The following MBNL2 variants were observed in gnomAD, a reference collection of about 807,000 sequenced individuals.
The protein encoded by MBNL2 is muscleblind-like protein 2.
MBNL2 carries 17 observed loss-of-function variants against 41.9 expected under a neutral mutation model. The ratio of observed to expected loss-of-function variants is 0.41; its 90% CI spans 0.28 to 0.61. MBNL2 has a LOEUF of 0.61. Ranked by LOEUF, MBNL2 falls within the 20% of genes least tolerant of loss-of-function variation. The pLI is 0.35. For synonymous variants in MBNL2, 195 were observed against 182.9 expected (o/e 1.07, Z -0.53); for missense variants, 336 against 505.6 (o/e 0.66, Z 3.22).
intron 5 of MBNL2, among the ~76,000 whole-genome samples, chr13:97,353,828 G>A (rs951851846): frequency 3.3e-5 from 5 of 152,104 alleles, no homozygotes; most frequent in African/African-American, 9.7e-5. Flanking sequence ...ACAAGCTGCC[G>A]TCAGCTAGAT....
At chr13:97,389,846 A>C (rs1008202568) in intron 8 of MBNL2, among the ~76,000 whole-genome samples, 2 of 152,178 alleles carry the variant, frequency 1.3e-5, no homozygotes, top group African/African-American at 4.8e-5. Flanking sequence ...TTATTTGGAA[A>C]ACTTACAGAT....
intron 7 of MBNL2, among the ~76,000 whole-genome samples, chr13:97,358,585 GACAC>G (rs767427545): frequency 5.9e-5 from 9 of 151,994 alleles, no homozygotes; most frequent in Non-Finnish European, 1.0e-4. Context: ...TCTAACCACA[GACAC>G]ACACACGCAC....
the MBNL2 span, among the ~76,000 whole-genome samples, chr13:97,161,340 A>G: frequency 6.6e-6 from 1 of 152,062 alleles, no homozygotes; most frequent in Non-Finnish European, 1.5e-5. Flanking sequence ...CATCATCTCA[A>G]ATTTTTTTGC....
chr13:97,202,687 A>G, the MBNL2 span, among the ~76,000 whole-genome samples: 2 of 152,218 alleles, frequency 1.3e-5, no homozygotes, highest in African/African-American at 2.4e-5. Context: ...AATGCTCACT[A>G]AAGTTTTCAA....
intron 1 of MBNL2, among the ~76,000 whole-genome samples, chr13:97,273,971 G>A (rs1458010887): frequency 5.3e-5 from 8 of 152,070 alleles, no homozygotes; most frequent in Non-Finnish European, 8.8e-5. Context: ...TGAGGCAGGA[G>A]AATCACTTGA....
chr13:97,232,818 T>C (rs545070647), intron 1 of MBNL2, among the ~76,000 whole-genome samples: 1 of 150,784 alleles, frequency 6.6e-6, no homozygotes, highest in Non-Finnish European at 1.5e-5. Context: ...TTTGCTGTGA[T>C]TATTTGTCGG....
the MBNL2 span, among the ~76,000 whole-genome samples, chr13:97,142,033 G>C: frequency 8.8e-3 from 1,342 of 151,828 alleles, 16 homozygotes; most frequent in African/African-American, 0.015. Flanking sequence ...AGGTTAATTT[G>C]CAAAACAAAA....
chr13:97,247,233 G>A (rs2045650039), intron 1 of MBNL2, among the ~76,000 whole-genome samples: 1 of 152,152 alleles, frequency 6.6e-6, no homozygotes, highest in African/African-American at 2.4e-5. Flanking sequence ...TTACAAAGTT[G>A]ATTGATTAAA....
At chr13:97,150,025 A>C in the MBNL2 span, among the ~76,000 whole-genome samples, 2 of 152,230 alleles carry the variant, frequency 1.3e-5, no homozygotes, top group Admixed American at 6.5e-5. Context: ...CTGGCACTGC[A>C]TGGCTGCCTG....
At chr13:97,291,495 G>A (rs2055965398) in intron 2 of MBNL2, among the ~76,000 whole-genome samples, 1 of 151,972 alleles carries the variant, frequency 6.6e-6, no homozygotes, top group Non-Finnish European at 1.5e-5. Flanking sequence ...CCCACCTCAG[G>A]TAGAATTATT....
the MBNL2 span, among the ~76,000 whole-genome samples, chr13:97,180,386 A>G: frequency 2.6e-5 from 4 of 152,188 alleles, no homozygotes; most frequent in Admixed American, 1.3e-4. Context: ...TCTGGAAAAC[A>G]TTGAATAGAA....
chr13:97,194,188 T>TA, the MBNL2 span, among the ~76,000 whole-genome samples: 1 of 152,234 alleles, frequency 6.6e-6, no homozygotes, highest in Non-Finnish European at 1.5e-5. Context: ...AAATTGTACT[T>TA]ACTTTACTCA....
chr13:97,242,585 C>G (rs1346013662), intron 1 of MBNL2, among the ~76,000 whole-genome samples: 2 of 152,076 alleles, frequency 1.3e-5, no homozygotes, highest in African/African-American at 2.4e-5. Context: ...TGTCCTCGGC[C>G]CCATGTGGAA....
the MBNL2 span, among the ~76,000 whole-genome samples, chr13:97,156,745 A>T: frequency 6.6e-6 from 1 of 151,452 alleles, no homozygotes; most frequent in Middle Eastern, 3.4e-3. Context: ...GTTCTGTTCC[A>T]TTGATCTATA....
the MBNL2 span, among the ~76,000 whole-genome samples, chr13:97,195,889 T>C: frequency 6.6e-6 from 1 of 152,176 alleles, no homozygotes; most frequent in Non-Finnish European, 1.5e-5. Context: ...TGTTGCTGTA[T>C]ACATGTACTA....
At chr13:97,333,114 C>A (rs529137086) in intron 2 of MBNL2, among the ~76,000 whole-genome samples, 4 of 152,146 alleles carry the variant, frequency 2.6e-5, no homozygotes, top group Non-Finnish European at 4.4e-5. Context: ...TCCCCAGATC[C>A]CCCAAGCTTG....
intron 2 of MBNL2, among the ~76,000 whole-genome samples, chr13:97,311,086 A>G (rs1455253384): frequency 6.6e-6 from 1 of 152,218 alleles, no homozygotes; most frequent in Admixed American, 6.5e-5. Flanking sequence ...TAATCTAATA[A>G]TTCCAGTTAC....
chr13:97,209,330 C>A, the MBNL2 span, among the ~76,000 whole-genome samples: 6 of 152,168 alleles, frequency 3.9e-5, no homozygotes, highest in Non-Finnish European at 5.9e-5. Context: ...GTATTTGCCC[C>A]ACTAAGAGGC....
At chr13:97,202,479 C>T in the MBNL2 span, among the ~76,000 whole-genome samples, 6 of 152,076 alleles carry the variant, frequency 3.9e-5, no homozygotes, top group East Asian at 1.9e-4. Context: ...AAATAATACA[C>T]GTAAGTCCCT....
Sources: gnomAD v4.1 joint callset for allele counts (sites outside exome capture counted in the v4.1 genomes callset) on GRCh38, gnomAD v4.1.1 for gene constraint, MANE v1.5 for transcripts, NCBI Gene and HGNC (gene_info 2026-07-23, HGNC 2026-07-21) for gene names.